The following MPPED1 variants were observed in gnomAD, a reference collection of about 807,000 sequenced individuals.
The protein encoded by MPPED1 is metallophosphoesterase domain-containing protein 1.
A neutral mutation model predicts 36.2 loss-of-function variants in MPPED1; 16 were observed. That is an observed-to-expected ratio of 0.44 (90% confidence interval 0.30 to 0.67). MPPED1 has a LOEUF of 0.67. Ranked by LOEUF, MPPED1 falls within the 30% of genes least tolerant of loss-of-function variation. The probability of loss-of-function intolerance (pLI) is 0.10; values close to 1 mark genes in which losing one functional copy is unlikely to be tolerated. For synonymous variants in MPPED1, 199 were observed against 191.3 expected, an observed-to-expected ratio of 1.04 and a Z score of -0.33; for missense variants, 307 against 453.4, an observed-to-expected ratio of 0.68 and a Z score of 2.93.
intron 3 of MPPED1, among the ~76,000 whole-genome samples, chr22:43,463,889 C>T (rs1197799491): frequency 8.1e-6 from 1 of 123,298 alleles, no homozygotes; most frequent in Non-Finnish European, 1.7e-5. Context: ...TTCTGTCTGT[C>T]TGTCTTTCTT....
At chr22:43,495,315 T>G (rs1932233839) in intron 4 of MPPED1, among the ~76,000 whole-genome samples, 1 of 142,332 alleles carries the variant, frequency 7.0e-6, no homozygotes, top group African/African-American at 2.7e-5. Context: ...GTGGTGATGG[T>G]GGTGGTGATG....
At chr22:43,490,840 G>GT (rs1932059565) in intron 4 of MPPED1, among the ~76,000 whole-genome samples, 1 of 152,166 alleles carries the variant, frequency 6.6e-6, no homozygotes, top group Non-Finnish European at 1.5e-5. Flanking sequence ...TACCTGCCTG[G>GT]TTCAGCCAGT....
intron 1 of MPPED1, among the ~76,000 whole-genome samples, chr22:43,421,879 A>G (rs1366699783): frequency 6.6e-6 from 1 of 152,242 alleles, no homozygotes; most frequent in Non-Finnish European, 1.5e-5. Context: ...AGCAGCTTAC[A>G]TGTGTCATCT....
intron 6 of MPPED1, 84 bp from the exon 7 acceptor site, chr22:43,505,414 C>A: frequency 1.6e-6 from 2 of 1,224,594 alleles, no homozygotes; most frequent in South Asian, 1.4e-5. Context: ...CCCACAGGGG[C>A]TGAGTGCCCT....
At chr22:43,489,826 A>G (rs995558619) in intron 4 of MPPED1, among the ~76,000 whole-genome samples, 3 of 152,100 alleles carry the variant, frequency 2.0e-5, no homozygotes, top group Non-Finnish European at 1.5e-5. Context: ...GCCCCTGTCC[A>G]CCAACATTCT....
chr22:43,501,465 C>T (rs983335555), intron 5 of MPPED1, among the ~76,000 whole-genome samples: 3 of 152,158 alleles, frequency 2.0e-5, no homozygotes, highest in Admixed American at 1.3e-4. Flanking sequence ...AGACGCCCCG[C>T]CCGGGCCCCT....
At chr22:43,501,387 T>C (rs966496287) in intron 5 of MPPED1, among the ~76,000 whole-genome samples, 4 of 151,594 alleles carry the variant, frequency 2.6e-5, no homozygotes, top group African/African-American at 9.7e-5. Flanking sequence ...TCTTCCTTCT[T>C]TCTCTCCCTC....
At chr22:43,464,680 G>GCA (rs1456406104) in intron 3 of MPPED1, among the ~76,000 whole-genome samples, 1 of 152,162 alleles carries the variant, frequency 6.6e-6, no homozygotes, top group Non-Finnish European at 1.5e-5. Flanking sequence ...AAGTCAGACT[G>GCA]CAGCTCTTGG....
In MPPED1 at chr22:43,415,888, AC is replaced by A. The variant is rs1236448245; in HGVS notation, c.-79+3731del. 3.9e-5 allele frequency among the ~76,000 whole-genome samples: 6 copies of A among 152,302 alleles called. No individual in the cohort carries two copies. The East Asian group carries it at 1.2e-3, about 29-fold the overall frequency. ...GCTCAGCGTTGATGCACACGAAGAG[AC>A]TTTTGGCATCGCCCAGGCTAATTTC... On this transcript the variant is annotated intron_variant, in intron 1 of 6. Transcript: ENST00000443721.
intron 3 of MPPED1, among the ~76,000 whole-genome samples, chr22:43,466,265 G>A (rs4591439): frequency 6.6e-6 from 1 of 152,062 alleles, no homozygotes; most frequent in South Asian, 2.1e-4. Context: ...GGCTGGATGA[G>A]GCCAGGGGGT....
intron 3 of MPPED1, among the ~76,000 whole-genome samples, chr22:43,441,849 G>A (rs1322736923): frequency 6.6e-6 from 1 of 152,216 alleles, no homozygotes; most frequent in Non-Finnish European, 1.5e-5. Context: ...GAAGGTCTGA[G>A]GCTGCAGGGG....
Position 43,502,605 on chromosome 22 carries a change from A to G in MPPED1, c.749-39A>G, listed in dbSNP as rs768292137. ...GCGTGGGGCAGTGAGGGGCTGGGAC[A>G]GACCGCGTCATGGCCTCCTGTTGTC... On this transcript the variant is annotated intron_variant, in intron 5 of 6. Coordinates refer to ENST00000443721, the MANE Select transcript of MPPED1 (RefSeq NM_001044370.2). This position sits in a 1 kb window ranked among gnomAD's most constrained non-coding sequence, Gnocchi z 5.5. 3.2e-6 allele frequency: 5 copies of G among 1,553,906 alleles called. No homozygotes were observed. Among genetic ancestry groups the G allele is most frequent in the Middle Eastern group, 1.7e-4 (1 of 5,910 alleles).
chr22:43,444,281 TGTGTGTGTGTG>T (rs1930254830), intron 3 of MPPED1, among the ~76,000 whole-genome samples: 1 of 8,144 alleles, frequency 1.2e-4, no homozygotes, highest in African/African-American at 1.6e-4. Context: ...CCCACTGGGG[TGTGTGTGTGTG>T]TGTGTGTGTG....
In MPPED1 at chr22:43,507,814, G is replaced by T. The variant is rs1167986490; in HGVS notation, c.*2198G>T. On this transcript the variant is annotated 3_prime_UTR_variant, in exon 7 of 7. Transcript: ENST00000443721. The stretch of plus-strand genomic sequence containing the variant: ...TAATTTTTTTTTTTTTTTTTGTCAA[G>T]CATGTCAGACAATAAAGTCTTTGTA... 1 of 133,050 alleles carries T rather than the reference G, an allele frequency of 7.5e-6. No homozygotes were observed. Among genetic ancestry groups the T allele is most frequent in the African/African-American group, 2.9e-5 (1 of 34,668 alleles). 8.2% of individuals were successfully genotyped at this position (133,050 alleles called of 1,614,324 possible).
At chr22:43,461,224 G>A (rs1229622379) in intron 3 of MPPED1, among the ~76,000 whole-genome samples, 4 of 152,142 alleles carry the variant, frequency 2.6e-5, no homozygotes, top group Non-Finnish European at 5.9e-5. Context: ...CTACAAATGA[G>A]GCTTTATATG....
In MPPED1 at chr22:43,501,416, A is replaced by G. The variant is rs1932730533; in HGVS notation, c.749-1228A>G. Among the ~76,000 whole-genome samples the G allele has an allele frequency of 2.1e-5, 3 of 142,848 alleles. No individual in the cohort carries two copies. In the South Asian group the frequency reaches 6.6e-4, roughly 32 times the overall value. 93.7% of individuals were successfully genotyped at this position (142,848 alleles called of 152,430 possible). On this transcript the variant is annotated intron_variant, in intron 5 of 6. Coordinates refer to ENST00000443721, the MANE Select transcript of MPPED1 (RefSeq NM_001044370.2). ...CTCCCTCTCTCCTTTCCATCCATCC[A>G]TCTCTCCAAACATGGTGTCGTTTGG... is the stretch of plus-strand genomic sequence containing the variant.
chr22:43,476,602 A>G (rs1471565119), intron 4 of MPPED1, among the ~76,000 whole-genome samples: 1 of 152,010 alleles, frequency 6.6e-6, no homozygotes, highest in Non-Finnish European at 1.5e-5. Flanking sequence ...CAGATTTAGG[A>G]CCTGGTTTCA....
At chr22:43,446,528 A>G (rs1294329603) in intron 3 of MPPED1, among the ~76,000 whole-genome samples, 1 of 152,110 alleles carries the variant, frequency 6.6e-6, no homozygotes, top group Non-Finnish European at 1.5e-5. Flanking sequence ...AGCAACTCTG[A>G]GTTGGGGGTG....
chr22:43,413,908 C>T (rs1002738034), intron 1 of MPPED1, among the ~76,000 whole-genome samples: 3 of 152,156 alleles, frequency 2.0e-5, no homozygotes, highest in Non-Finnish European at 4.4e-5. Context: ...CCAGGAATTT[C>T]GGAAGACCTG....
Sources: gnomAD v4.1 joint callset for allele counts (sites outside exome capture counted in the v4.1 genomes callset) on GRCh38, gnomAD v4.1.1 for gene constraint, Gnocchi (gnomAD v3.1) non-coding constraint, MANE v1.5 for transcripts, NCBI Gene and HGNC (gene_info 2026-07-23, HGNC 2026-07-21) for gene names.